Variants in CACUL1 observed in about 807,000 individuals in gnomAD.
The protein encoded by CACUL1 is CDK2 associated cullin domain 1.
In CACUL1, 13 loss-of-function variants were observed where a neutral mutation model predicts 45.2. That is an observed-to-expected ratio of 0.29 (90% CI 0.19 to 0.46). The LOEUF (loss-of-function observed/expected upper bound fraction) is 0.46, where lower values mean the gene tolerates loss of function less well. Among genes scored for constraint, CACUL1 ranks in the 20% least tolerant of loss-of-function variants. The pLI is 1.00. For missense variants in CACUL1, 421 were observed against 471.4 expected, an observed-to-expected ratio of 0.89 and a Z score of 0.99; for synonymous variants, 197 against 174.2, an observed-to-expected ratio of 1.13 and a Z score of -1.03.
At chr10:118,693,463 G>A in intron 6 of CACUL1, 1 of 191,872 alleles carries the variant, frequency 5.2e-6, no homozygotes, top group Non-Finnish European at 1.1e-5. Flanking sequence ...CTCAAATATA[G>A]AATTCTCCTT....
At chr10:118,753,529 C>T (rs967574928) in intron 1 of CACUL1, among the ~76,000 whole-genome samples, 27 of 152,346 alleles carry the variant, frequency 1.8e-4, no homozygotes, top group Admixed American at 1.6e-3. Flanking sequence ...CACCGCCACG[C>T]ACACATACAC....
intron 3 of CACUL1, among the ~76,000 whole-genome samples, chr10:118,727,128 C>A (rs1353668141): frequency 6.6e-6 from 1 of 152,164 alleles, no homozygotes; most frequent in African/African-American, 2.4e-5. Context: ...GTGGTTCACA[C>A]CTGTAATCCT....
intron 4 of CACUL1, 94 bp from the exon 5 acceptor site, chr10:118,701,502 T>C: frequency 3.5e-6 from 2 of 574,368 alleles, no homozygotes; most frequent in Non-Finnish European, 5.8e-6. Context: ...AAACAATGCA[T>C]AAAGGCATCA....
At chr10:118,725,200 T>C (rs1401281175) in intron 3 of CACUL1, among the ~76,000 whole-genome samples, 1 of 152,086 alleles carries the variant, frequency 6.6e-6, no homozygotes, top group East Asian at 1.9e-4. Flanking sequence ...GGGAGTGGTG[T>C]CCCATGTCTG....
intron 5 of CACUL1, 115 bp downstream of exon 5, chr10:118,701,191 G>C: frequency 1.9e-6 from 1 of 530,906 alleles, no homozygotes; most frequent in East Asian, 3.0e-5. Context: ...CCTGCTATCT[G>C]GTTCAGAAGA....
Position 118,681,640 on chromosome 10 carries a change from AC to A in CACUL1, c.*4487del, listed in dbSNP as rs1297201933. 1 of 152,232 alleles carries A rather than the reference AC, an allele frequency of 6.6e-6. No homozygotes were observed. Among genetic ancestry groups the A allele is most frequent in the Non-Finnish European group, 1.5e-5 (1 of 68,044 alleles). The allele number at this position is 152,232 out of a possible 1,614,324, so 9.4% of individuals were successfully genotyped here. The stretch of plus-strand genomic sequence containing the variant: ...AGTCCAGAGATGAAGATAATTTCCA[AC>A]CAGCAGGGATGCAATATATAGTAGG... On this transcript the variant is annotated 3_prime_UTR_variant, in exon 9 of 9. Transcript: ENST00000369151.
chr10:118,676,416 T>C lies in CACUL1; in HGVS notation c.*9712A>G, dbSNP rs1220566695. On this transcript the variant is annotated 3_prime_UTR_variant, in exon 9 of 9. Coordinates refer to ENST00000369151, the MANE Select transcript of CACUL1 (RefSeq NM_153810.5). ...ATTCAGCAAAAACAAGTTACTGACATTGGAAAAGATGAAAATTTATTATAA... is the reference window on the plus strand; with the variant it reads ...ATTCAGCAAAAACAAGTTACTGACACTGGAAAAGATGAAAATTTATTATAA... The C allele has an allele frequency of 6.6e-6, 1 of 152,152 alleles. No individual in the cohort carries two copies. The highest frequency in any genetic ancestry group is 1.5e-5 in the Non-Finnish European group (1 of 68,038). 9.4% of individuals were successfully genotyped at this position (152,152 alleles called of 1,614,324 possible).
rs1845943997 is a variant in CACUL1, at chr10:118,754,966, G to A, written c.-204C>T. ...GGCTGACGGCGGTGGGCGCTCCGGG[G>A]CTCTAGTCTGGGAGAGGCAGCCGTA... is the stretch of plus-strand genomic sequence containing the variant. On this transcript the variant is annotated 5_prime_UTR_variant, in exon 1 of 9. Coordinates refer to ENST00000369151, the MANE Select transcript of CACUL1 (RefSeq NM_153810.5). 1.3e-5 allele frequency: 8 copies of A among 594,648 alleles called. No homozygotes were observed. The highest frequency in any genetic ancestry group is 5.6e-5 in the South Asian group (2 of 35,886). 36.8% of individuals were successfully genotyped at this position (594,648 alleles called of 1,614,324 possible). A position where few individuals can be genotyped will look rare whatever the true frequency, so the allele number is the denominator to read the frequency against.
At chr10:118,714,233 G>A (rs370089015) in intron 3 of CACUL1, among the ~76,000 whole-genome samples, 48 of 152,218 alleles carry the variant, frequency 3.2e-4, no homozygotes, top group East Asian at 2.7e-3. Flanking sequence ...TAAAAACCAC[G>A]GGTCTATCTT....
rs1054006614 is a variant in CACUL1, at chr10:118,701,428, C to A, written c.694-20G>T. On this transcript the variant is annotated intron_variant, in intron 4 of 8. Coordinates refer to ENST00000369151, the MANE Select transcript of CACUL1 (RefSeq NM_153810.5). Reference sequence around the variant, plus strand: ...CTTATTCTGAAAAATAAAATAAAATCTTTTTTTGTGTATTAATTGGGGAAA... The same window carrying A: ...CTTATTCTGAAAAATAAAATAAAATATTTTTTTGTGTATTAATTGGGGAAA... The A allele has an allele frequency of 2.2e-5, 31 of 1,401,282 alleles. No homozygotes were observed. Among genetic ancestry groups the A allele is most frequent in the African/African-American group, 2.0e-4 (14 of 70,106 alleles). 86.8% of individuals were successfully genotyped at this position (1,401,282 alleles called of 1,614,324 possible). A position where few individuals can be genotyped will look rare whatever the true frequency, so the allele number is the denominator to read the frequency against.
At chr10:118,692,534 A>G (rs935316708) in intron 6 of CACUL1, 1 of 152,230 alleles carries the variant, frequency 6.6e-6, no homozygotes, top group African/African-American at 2.4e-5. Flanking sequence ...AACATTAAAG[A>G]GAATTAACAC....
chr10:118,745,115 A>C (rs1455704473), intron 1 of CACUL1, among the ~76,000 whole-genome samples: 1 of 152,230 alleles, frequency 6.6e-6, no homozygotes, highest in African/African-American at 2.4e-5. Context: ...TTACATTATA[A>C]GTAAAGTAGT....
intron 1 of CACUL1, among the ~76,000 whole-genome samples, chr10:118,748,127 A>C (rs1042233720): frequency 1.3e-5 from 2 of 152,194 alleles, no homozygotes; most frequent in Non-Finnish European, 2.9e-5. Context: ...GAAGTATTTC[A>C]GGGTGACAGA....
intron 1 of CACUL1, among the ~76,000 whole-genome samples, chr10:118,741,719 A>G (rs7922869): frequency 0.79 from 120,779 of 152,056 alleles, 48,065 homozygotes; most frequent in Admixed American, 0.83. Flanking sequence ...TAGCCCCTAG[A>G]CCTCCACTCT....
chr10:118,686,300 A>G, intron 8 of CACUL1, 132 bp from the exon 9 acceptor site: 2 of 788,696 alleles, frequency 2.5e-6, no homozygotes, highest in South Asian at 3.2e-5. Context: ...AAAATCCTCA[A>G]AACCATGTGG....
chr10:118,743,266 T>C (rs901171938), intron 1 of CACUL1, among the ~76,000 whole-genome samples: 1 of 152,092 alleles, frequency 6.6e-6, no homozygotes, highest in Admixed American at 6.5e-5. Flanking sequence ...TTATAACATA[T>C]GTGTAACTAG....
At chr10:118,742,778 T>C (rs1248927868) in intron 1 of CACUL1, among the ~76,000 whole-genome samples, 1 of 152,172 alleles carries the variant, frequency 6.6e-6, no homozygotes. Flanking sequence ...CTAACTAGAA[T>C]CAGATTTCCC....
chr10:118,697,178 T>G (rs1027368448), intron 5 of CACUL1, among the ~76,000 whole-genome samples: 1 of 152,224 alleles, frequency 6.6e-6, no homozygotes. Flanking sequence ...GTACTGAGCA[T>G]TTAGTAAGTG....
chr10:118,710,060 G>A (rs2119597136), intron 3 of CACUL1, among the ~76,000 whole-genome samples: 1 of 150,450 alleles, frequency 6.6e-6, no homozygotes, highest in South Asian at 2.1e-4. Context: ...CTACAGGTAT[G>A]CAGCACTAGG....
Sources: allele counts gnomAD v4.1 joint callset (sites outside exome capture counted in the v4.1 genomes callset), GRCh38; gene constraint gnomAD v4.1.1; transcripts MANE v1.5; gene names NCBI Gene and HGNC (gene_info 2026-07-23, HGNC 2026-07-21).